The following RBPMS variants were observed in gnomAD, a reference collection of about 807,000 sequenced individuals.
The protein encoded by RBPMS is RNA-binding protein with multiple splicing.
A neutral mutation model predicts 26.8 loss-of-function variants in RBPMS; 7 were observed. The observed-to-expected ratio is 0.26, with a 90% CI of 0.15 to 0.49. The LOEUF is 0.49. Ranked by LOEUF, RBPMS falls within the 20% of genes least tolerant of loss-of-function variation. The pLI is 0.98. For synonymous variants in RBPMS, 96 were observed against 93.3 expected (o/e 1.03, Z -0.17); for missense variants, 186 against 250.0 (o/e 0.74, Z 1.73).
chr8:30,411,890 G>A (rs1421036757), intron 1 of RBPMS, among the ~76,000 whole-genome samples: 2 of 151,780 alleles, frequency 1.3e-5, no homozygotes, highest in Non-Finnish European at 2.9e-5. Context: ...GGAGGCTGAG[G>A]CAGGAGAATT....
intron 5 of RBPMS, among the ~76,000 whole-genome samples, chr8:30,511,122 C>T (rs1821543420): frequency 6.6e-6 from 1 of 151,470 alleles, no homozygotes; most frequent in African/African-American, 2.4e-5. Context: ...TGAGACCACC[C>T]TGGCCAACAT....
At position 30,536,058 on chromosome 8, in the gene RBPMS, C is replaced by T. The variant is rs543213634; in HGVS notation, c.398-8436C>T. On this transcript the variant is annotated intron_variant, in intron 5 of 8. Transcript: ENST00000397323. ...TGCGCTATGCTAGGTACTGGAGATACAGCAGTAAGCACAACAGACACAGGC... is the reference window on the plus strand; with the variant it reads ...TGCGCTATGCTAGGTACTGGAGATATAGCAGTAAGCACAACAGACACAGGC... Among the ~76,000 whole-genome samples the T allele has an allele frequency of 3.3e-5, 5 of 151,738 alleles. No individual in the cohort carries two copies. The East Asian group carries it at 9.7e-4, about 29-fold the overall frequency.
intron 1 of RBPMS, 127 bp from the exon 2 acceptor site, chr8:30,474,652 A>G (rs190682746): frequency 5.3e-5 from 34 of 638,800 alleles, no homozygotes; most frequent in Non-Finnish European, 7.5e-5. Context: ...TCGTTGTATC[A>G]TGGAAAGAGC....
intron 1 of RBPMS, among the ~76,000 whole-genome samples, chr8:30,439,729 C>T (rs759965848): frequency 3.3e-5 from 5 of 151,960 alleles, no homozygotes; most frequent in Non-Finnish European, 5.9e-5. Flanking sequence ...CATCACTGCT[C>T]GCTGCAGCCT....
At position 30,505,253 on chromosome 8, in the gene RBPMS, A is replaced by G. The variant is rs541683306; in HGVS notation, c.397+817A>G. On this transcript the variant is annotated intron_variant, in intron 5 of 8. Coordinates refer to ENST00000397323, the MANE Select transcript of RBPMS (RefSeq NM_001008710.3). ...ATTCAAGGAAACCCAAGTGACTTGG[A>G]TTCCAAGTTATTTGGAATATTTCTG... 1.3e-4 allele frequency among the ~76,000 whole-genome samples: 20 copies of G among 152,314 alleles called. 1 individual carries two copies. The South Asian group carries it at 4.1e-3, about 32-fold the overall frequency.
intron 1 of RBPMS, 39 bp from the exon 2 acceptor site, chr8:30,474,740 G>A (rs1288322558): frequency 1.7e-6 from 2 of 1,209,170 alleles, no homozygotes; most frequent in Non-Finnish European, 1.2e-6. Flanking sequence ...TCTCTGGAGT[G>A]TCCACACCCT....
intron 4 of RBPMS, among the ~76,000 whole-genome samples, chr8:30,480,403 A>G (rs552131011): frequency 2.0e-5 from 3 of 152,314 alleles, no homozygotes; most frequent in African/African-American, 7.2e-5. Context: ...GGTCTAAGGA[A>G]AAGTCTTTAT....
At chr8:30,554,068 G>A (rs1166555445) in intron 6 of RBPMS, among the ~76,000 whole-genome samples, 13 of 152,208 alleles carry the variant, frequency 8.5e-5, no homozygotes, top group Non-Finnish European at 1.5e-4. Flanking sequence ...GAGCCACGGC[G>A]CCCTGCCCAA....
intron 1 of RBPMS, among the ~76,000 whole-genome samples, chr8:30,446,721 C>T (rs1293348337): frequency 1.3e-5 from 2 of 151,942 alleles, no homozygotes; most frequent in African/African-American, 4.8e-5. Flanking sequence ...GTCTCAACCT[C>T]CTGGGCTCAA....
intron 1 of RBPMS, among the ~76,000 whole-genome samples, chr8:30,408,203 C>G (rs1407217198): frequency 2.0e-5 from 3 of 152,180 alleles, no homozygotes; most frequent in African/African-American, 7.2e-5. Flanking sequence ...CACCCTTAGT[C>G]CATCTAACAC....
At chr8:30,565,573 G>A (rs1039877232) in intron 7 of RBPMS, 3 of 152,238 alleles carry the variant, frequency 2.0e-5, no homozygotes, top group African/African-American at 4.8e-5. Context: ...GTGCCTGCAG[G>A]GGGAGTATTA....
chr8:30,531,640 G>A (rs561704938), intron 5 of RBPMS, among the ~76,000 whole-genome samples: 16 of 152,326 alleles, frequency 1.1e-4, no homozygotes, highest in African/African-American at 3.8e-4. Flanking sequence ...GAGAGGGCAG[G>A]AGGGGGGAGT....
At chr8:30,497,991 T>TA (rs1820165984) in intron 4 of RBPMS, among the ~76,000 whole-genome samples, 2 of 151,316 alleles carry the variant, frequency 1.3e-5, no homozygotes, top group Admixed American at 1.3e-4. Flanking sequence ...CATTTGGAGT[T>TA]GGCCGTGGAG....
intron 1 of RBPMS, among the ~76,000 whole-genome samples, chr8:30,413,636 A>G (rs1809713265): frequency 6.6e-6 from 1 of 152,028 alleles, no homozygotes; most frequent in Non-Finnish European, 1.5e-5. Context: ...TTCTTTTTTA[A>G]GAGTCTCACT....
chr8:30,389,068 C>T (rs775910633), intron 1 of RBPMS, among the ~76,000 whole-genome samples: 1 of 152,104 alleles, frequency 6.6e-6, no homozygotes, highest in Non-Finnish European at 1.5e-5. Flanking sequence ...ATGTGGCAAC[C>T]TCAAATTTTC....
At chr8:30,521,712 T>G (rs1043622216) in intron 5 of RBPMS, among the ~76,000 whole-genome samples, 3 of 152,206 alleles carry the variant, frequency 2.0e-5, no homozygotes, top group Non-Finnish European at 4.4e-5. Context: ...CCCCCCTTTT[T>G]TTAGGCTGGG....
intron 1 of RBPMS, among the ~76,000 whole-genome samples, chr8:30,409,858 CCTGACCTTGTGAT>C (rs1288410263): frequency 4.6e-5 from 7 of 151,988 alleles, no homozygotes; most frequent in Non-Finnish European, 8.8e-5. Context: ...GTCTCGATCT[CCTGACCTTGTGAT>C]CTGCCCACCT....
chr8:30,528,757 C>T (rs375140495), intron 5 of RBPMS, among the ~76,000 whole-genome samples: 4 of 152,146 alleles, frequency 2.6e-5, no homozygotes, highest in African/African-American at 4.8e-5. Context: ...GTAAGCTGCT[C>T]ATCTGAGGTT....
At chr8:30,436,825 G>A (rs1024904948) in intron 1 of RBPMS, among the ~76,000 whole-genome samples, 1 of 152,144 alleles carries the variant, frequency 6.6e-6, no homozygotes, top group Non-Finnish European at 1.5e-5. Context: ...TGTTCTAAAA[G>A]AGGTTCTTGC....
Sources: gnomAD v4.1 joint callset for allele counts (sites outside exome capture counted in the v4.1 genomes callset) on GRCh38, gnomAD v4.1.1 for gene constraint, MANE v1.5 for transcripts, NCBI Gene and HGNC (gene_info 2026-07-23, HGNC 2026-07-21) for gene names.